NRG3: variants seen among roughly 807,000 people sequenced by gnomAD.
NRG3 encodes pro-neuregulin-3, membrane-bound isoform.
In NRG3, 31 loss-of-function variants were observed where a neutral mutation model predicts 66.9. The observed-to-expected ratio is 0.46, with a 90% CI of 0.35 to 0.63. The LOEUF (loss-of-function observed/expected upper bound fraction) is 0.63. NRG3 is among the 20% of genes least tolerant of loss of function. The probability of loss-of-function intolerance (pLI) is 0.00; values close to 1 mark genes in which losing one functional copy is unlikely to be tolerated. For missense variants in NRG3, 910 were observed against 878.9 expected, an observed-to-expected ratio of 1.04 and a Z score of -0.45; for synonymous variants, 393 against 359.4, an observed-to-expected ratio of 1.09 and a Z score of -1.06.
intron 3 of NRG3, among the ~76,000 whole-genome samples, chr10:82,857,290 T>C (rs1216723458): frequency 1.3e-5 from 2 of 152,200 alleles, no homozygotes; most frequent in African/African-American, 4.8e-5. Flanking sequence ...GATAAGAGAT[T>C]ATTAAATTCA....
At chr10:81,985,997 G>A (rs557184869) in intron 1 of NRG3, among the ~76,000 whole-genome samples, 1 of 152,152 alleles carries the variant, frequency 6.6e-6, no homozygotes, top group East Asian at 1.9e-4. Flanking sequence ...CACTGAAGAT[G>A]CCCACTGGGT....
At chr10:82,267,472 C>A (rs1356826026) in intron 1 of NRG3, among the ~76,000 whole-genome samples, 5 of 152,138 alleles carry the variant, frequency 3.3e-5, no homozygotes, top group Non-Finnish European at 4.4e-5. Flanking sequence ...TGAGACAGAG[C>A]CTTGAGGTCT....
At chr10:82,918,619 T>A (rs1028325469) in intron 4 of NRG3, among the ~76,000 whole-genome samples, 3 of 152,184 alleles carry the variant, frequency 2.0e-5, no homozygotes, top group Non-Finnish European at 2.9e-5. Flanking sequence ...CATTATAACC[T>A]GGTCTTAGAG....
At chr10:82,898,107 A>G (rs568418217) in intron 4 of NRG3, among the ~76,000 whole-genome samples, 1 of 152,228 alleles carries the variant, frequency 6.6e-6, no homozygotes, top group East Asian at 1.9e-4. Context: ...CCCTAGAGCA[A>G]CCCTCAACCA....
chr10:82,563,767 CT>C (rs1009212957), intron 2 of NRG3, among the ~76,000 whole-genome samples: 1 of 151,942 alleles, frequency 6.6e-6, no homozygotes, highest in Non-Finnish European at 1.5e-5. Flanking sequence ...AAAATCTACT[CT>C]TTTAGCAATT....
chr10:82,011,058 A>C (rs2061555243), intron 1 of NRG3, among the ~76,000 whole-genome samples: 1 of 152,162 alleles, frequency 6.6e-6, no homozygotes, highest in Non-Finnish European at 1.5e-5. Context: ...AGCCCACCTC[A>C]TACATAGAAT....
chr10:82,400,928 A>G (rs546237010), intron 2 of NRG3, among the ~76,000 whole-genome samples: 1 of 152,236 alleles, frequency 6.6e-6, no homozygotes, highest in African/African-American at 2.4e-5. Flanking sequence ...TTAGTTCAAA[A>G]TTGCAAGTGC....
intron 2 of NRG3, among the ~76,000 whole-genome samples, chr10:82,536,157 G>A (rs1223805697): frequency 6.6e-6 from 1 of 152,074 alleles, no homozygotes; most frequent in East Asian, 1.9e-4. Context: ...GCCTTTCTGT[G>A]TTCTTTACAA....
chr10:82,566,795 T>G (rs781159000), intron 2 of NRG3, among the ~76,000 whole-genome samples: 1 of 151,998 alleles, frequency 6.6e-6, no homozygotes, highest in Non-Finnish European at 1.5e-5. Flanking sequence ...CAATAAAAAA[T>G]TTTTCTAAAT....
intron 2 of NRG3, among the ~76,000 whole-genome samples, chr10:82,359,524 G>A (rs1487164455): frequency 6.6e-6 from 1 of 152,184 alleles, no homozygotes; most frequent in Non-Finnish European, 1.5e-5. Flanking sequence ...ATAAGGTTAT[G>A]TAACTGCTAA....
chr10:82,816,101 T>G, intron 3 of NRG3, among the ~76,000 whole-genome samples: 1 of 152,358 alleles, frequency 6.6e-6, no homozygotes. Context: ...CAGCCCTGGC[T>G]TAGGGATCCC....
intron 1 of NRG3, among the ~76,000 whole-genome samples, chr10:82,294,433 AAGTGTGTGTGTGT>A (rs2079932002): frequency 3.5e-5 from 4 of 113,050 alleles, no homozygotes; most frequent in Non-Finnish European, 6.8e-5. Flanking sequence ...TCTACTGATG[AAGTGTGTGTGTGT>A]GTGTGTGTGT....
intron 1 of NRG3, among the ~76,000 whole-genome samples, chr10:82,248,680 G>C (rs928921725): frequency 4.6e-5 from 7 of 152,116 alleles, no homozygotes; most frequent in Non-Finnish European, 1.0e-4. Context: ...TGCCATTACT[G>C]TCTTTGTTTT....
intron 1 of NRG3, among the ~76,000 whole-genome samples, chr10:82,134,587 C>G (rs957349410): frequency 3.9e-5 from 6 of 151,900 alleles, no homozygotes; most frequent in African/African-American, 1.5e-4. Flanking sequence ...TGCCTTATTT[C>G]TGGACTCTCT....
At chr10:82,810,088 T>C (rs2061430631) in intron 3 of NRG3, among the ~76,000 whole-genome samples, 1 of 152,168 alleles carries the variant, frequency 6.6e-6, no homozygotes, top group Non-Finnish European at 1.5e-5. Context: ...GGCAATTATG[T>C]GTCTTGTAAA....
chr10:82,198,696 C>G (rs1440719223), intron 1 of NRG3, among the ~76,000 whole-genome samples: 1 of 152,026 alleles, frequency 6.6e-6, no homozygotes, highest in African/African-American at 2.4e-5. Flanking sequence ...TTCTAACTAA[C>G]GTACTGAAAA....
chr10:82,873,709 C>A (rs548724876), intron 4 of NRG3, among the ~76,000 whole-genome samples: 2 of 152,236 alleles, frequency 1.3e-5, no homozygotes, highest in Admixed American at 6.5e-5. Context: ...AAAGCAGGTG[C>A]AATGCCATTT....
intron 1 of NRG3, among the ~76,000 whole-genome samples, chr10:82,160,189 A>T (rs1465707243): frequency 6.6e-6 from 1 of 151,958 alleles, no homozygotes; most frequent in Non-Finnish European, 1.5e-5. Flanking sequence ...ACACAATAGA[A>T]TCATCTAAAT....
intron 2 of NRG3, among the ~76,000 whole-genome samples, chr10:82,537,170 T>C (rs1438106064): frequency 6.6e-6 from 1 of 152,018 alleles, no homozygotes; most frequent in Non-Finnish European, 1.5e-5. Context: ...TAAGCTACAC[T>C]TGCAATTAAA....
Sources: allele counts gnomAD v4.1 joint callset (sites outside exome capture counted in the v4.1 genomes callset), GRCh38; gene constraint gnomAD v4.1.1; transcripts MANE v1.5; gene names NCBI Gene and HGNC (gene_info 2026-07-23, HGNC 2026-07-21).